CADPS: variants seen among roughly 807,000 people sequenced by gnomAD.
CADPS encodes calcium dependent secretion activator, also known as calcium-dependent secretion activator 1.
CADPS carries 57 observed loss-of-function variants against 167.3 expected under a neutral mutation model. The ratio of observed to expected loss-of-function variants is 0.34; its 90% CI spans 0.28 to 0.42. CADPS has a LOEUF of 0.42. Ranked by LOEUF, CADPS falls within the 20% of genes least tolerant of loss-of-function variation. The probability of loss-of-function intolerance (pLI) is 1.00; values close to 1 mark genes in which losing one functional copy is unlikely to be tolerated. For missense variants in CADPS, 1,414 were observed against 1,738.1 expected (o/e 0.81, Z 3.32); for synonymous variants, 676 against 635.3 (o/e 1.06, Z -0.96).
intron 8 of CADPS, among the ~76,000 whole-genome samples, chr3:62,573,523 T>C (rs748257986): frequency 6.6e-6 from 1 of 152,296 alleles, no homozygotes; most frequent in East Asian, 1.9e-4. Context: ...TAAAAAACTT[T>C]TAATTTTCCA....
At chr3:62,551,087 T>C (rs1322168029) in intron 10 of CADPS, among the ~76,000 whole-genome samples, 1 of 152,150 alleles carries the variant, frequency 6.6e-6, no homozygotes, top group Admixed American at 6.5e-5. Context: ...AGTATGCTGA[T>C]GGCCTTCACA....
intron 6 of CADPS, among the ~76,000 whole-genome samples, chr3:62,641,507 T>G (rs1465237809): frequency 6.6e-6 from 1 of 152,138 alleles, no homozygotes; most frequent in Non-Finnish European, 1.5e-5. Flanking sequence ...GAAAATATAT[T>G]CCAAATGCTT....
chr3:62,573,840 C>A (rs2081771203), intron 8 of CADPS, among the ~76,000 whole-genome samples: 2 of 152,084 alleles, frequency 1.3e-5, no homozygotes, highest in South Asian at 2.1e-4. Flanking sequence ...GGGAAGGAAC[C>A]CTGGTCCTGC....
rs114980729 is a variant in CADPS, at chr3:62,732,990, G to A, written c.888+20451C>T. 5.2e-3 allele frequency among the ~76,000 whole-genome samples: 789 copies of A among 152,278 alleles called. 4 individuals are homozygous for A. Among genetic ancestry groups the A allele is most frequent in the African/African-American group, 0.018 (743 of 41,558 alleles). ...AAGACTATTTTGACCTACAATAGTCGATGGCTTTTCTCTTATGCTCCCTGA... is the reference window on the plus strand; with the variant it reads ...AAGACTATTTTGACCTACAATAGTCAATGGCTTTTCTCTTATGCTCCCTGA... On this transcript the variant is annotated intron_variant, in intron 3 of 29. Coordinates refer to ENST00000383710, the MANE Select transcript of CADPS (RefSeq NM_003716.4).
intron 9 of CADPS, among the ~76,000 whole-genome samples, chr3:62,559,557 T>G (rs2078780511): frequency 6.6e-6 from 1 of 152,002 alleles, no homozygotes; most frequent in Non-Finnish European, 1.5e-5. Flanking sequence ...TGCAATGGCA[T>G]GATCTTGGCT....
intron 27 of CADPS, chr3:62,440,137 T>C (rs915873640): frequency 3.9e-5 from 6 of 152,178 alleles, no homozygotes; most frequent in African/African-American, 7.2e-5. Flanking sequence ...ATCCCCAGCA[T>C]ACAAAATGGT....
intron 3 of CADPS, among the ~76,000 whole-genome samples, chr3:62,696,817 C>A (rs1490909346): frequency 6.6e-6 from 1 of 151,998 alleles, no homozygotes; most frequent in Non-Finnish European, 1.5e-5. Flanking sequence ...ATTGGCTGAC[C>A]AGAATAGGAT....
At chr3:62,838,531 GT>G (rs2076216488) in intron 1 of CADPS, among the ~76,000 whole-genome samples, 1 of 152,104 alleles carries the variant, frequency 6.6e-6, no homozygotes, top group African/African-American at 2.4e-5. Flanking sequence ...GGTATGTGTG[GT>G]TTTGGGGCAG....
At chr3:62,512,061 G>A (rs1488949286) in intron 17 of CADPS, among the ~76,000 whole-genome samples, 1 of 152,172 alleles carries the variant, frequency 6.6e-6, no homozygotes, top group Admixed American at 6.6e-5. Context: ...GTGCTCAACT[G>A]TTAATTTGGA....
intron 29 of CADPS, among the ~76,000 whole-genome samples, chr3:62,401,732 ATT>A (rs35897409): frequency 1.6e-4 from 23 of 145,534 alleles, no homozygotes; most frequent in African/African-American, 5.6e-4. Context: ...CTCATACCAC[ATT>A]TTTTTTTTTT....
At chr3:62,706,329 C>T (rs1311705028) in intron 3 of CADPS, among the ~76,000 whole-genome samples, 1 of 152,086 alleles carries the variant, frequency 6.6e-6, no homozygotes, top group African/African-American at 2.4e-5. Flanking sequence ...ACATGTATTG[C>T]CTTTGTCCCT....
intron 6 of CADPS, among the ~76,000 whole-genome samples, chr3:62,597,130 G>T (rs991106880): frequency 2.6e-5 from 4 of 152,138 alleles, no homozygotes; most frequent in Non-Finnish European, 5.9e-5. Flanking sequence ...AGGAATTTGA[G>T]AGTAGCCTGG....
rs139669798 is a variant in CADPS at position 62,857,520 on chromosome 3, T to C, written c.441+17069A>G. Among the ~76,000 whole-genome samples, 355 of 152,146 alleles carry C rather than the reference T, an allele frequency of 2.3e-3. 7 individuals are homozygous for C. The highest frequency in any genetic ancestry group is 0.022 in the Admixed American group (337 of 15,280). ...AATAATGTTACATCCATAAAATGGA[T>C]TGCTACAAAGTCATTTAGAAGAATG... On this transcript the variant is annotated intron_variant, in intron 1 of 29. Coordinates refer to ENST00000383710, the MANE Select transcript of CADPS (RefSeq NM_003716.4).
intron 1 of CADPS, among the ~76,000 whole-genome samples, chr3:62,772,410 A>G (rs545558530): frequency 1.2e-4 from 19 of 152,304 alleles, no homozygotes; most frequent in African/African-American, 4.3e-4. Context: ...CCTCATGAAA[A>G]TGAACATACT....
chr3:62,473,228 T>TGGGGG (rs2060840163), intron 24 of CADPS, among the ~76,000 whole-genome samples: 1 of 38,314 alleles, frequency 2.6e-5, no homozygotes. Flanking sequence ...TTAACCAGGG[T>TGGGGG]GGGGGTGGGG....
At position 62,465,582 on chromosome 3, in the gene CADPS, C is replaced by G; in HGVS notation, c.3553-132G>C. 1.8e-6 allele frequency: 1 copy of G among 562,502 alleles called. No individual in the cohort carries two copies. Among genetic ancestry groups the G allele is most frequent in the Non-Finnish European group, 3.1e-6 (1 of 318,226 alleles). 34.8% of individuals were successfully genotyped at this position (562,502 alleles called of 1,614,324 possible). ...CATTTCTGCAGTCTATTATTTGATT[C>G]CCGCCTTCGGAGAAAGGAATAGACT... is the stretch of plus-strand genomic sequence containing the variant. On this transcript the variant is annotated intron_variant, in intron 25 of 29. Coordinates refer to ENST00000383710, the MANE Select transcript of CADPS (RefSeq NM_003716.4). The surrounding 1 kb of genome is among the most constrained non-coding windows in gnomAD (Gnocchi z 4.1).
At chr3:62,716,217 C>T (rs578207623) in intron 3 of CADPS, among the ~76,000 whole-genome samples, 13 of 152,184 alleles carry the variant, frequency 8.5e-5, no homozygotes, top group Admixed American at 7.2e-4. Context: ...TTGCCACCAG[C>T]TAATTTCTGT....
intron 6 of CADPS, among the ~76,000 whole-genome samples, chr3:62,597,405 G>C (rs2059083870): frequency 6.6e-6 from 1 of 152,052 alleles, no homozygotes; most frequent in African/African-American, 2.4e-5. Flanking sequence ...CATTATACTT[G>C]GTCATGGGGA....
intron 1 of CADPS, among the ~76,000 whole-genome samples, chr3:62,773,857 C>T (rs2089584778): frequency 1.3e-5 from 2 of 152,050 alleles, no homozygotes; most frequent in South Asian, 4.1e-4. Context: ...AAGTTAATTA[C>T]TACTTTTAAA....
Sources: gnomAD v4.1 joint callset for allele counts (sites outside exome capture counted in the v4.1 genomes callset) on GRCh38, gnomAD v4.1.1 for gene constraint, Gnocchi (gnomAD v3.1) non-coding constraint, MANE v1.5 for transcripts, NCBI Gene and HGNC (gene_info 2026-07-23, HGNC 2026-07-21) for gene names.